TRAPPC9: variants seen among roughly 807,000 people sequenced by gnomAD.
TRAPPC9 encodes IKK2 binding protein.
In TRAPPC9, 83 loss-of-function variants were observed where a neutral mutation model predicts 124.0. That is an observed-to-expected ratio of 0.67 (90% CI 0.56 to 0.80). The LOEUF (loss-of-function observed/expected upper bound fraction) is 0.80. Among genes scored for constraint, TRAPPC9 ranks in the 30% least tolerant of loss-of-function variants. The probability of loss-of-function intolerance (pLI) is 0.00; values close to 1 mark genes in which losing one functional copy is unlikely to be tolerated. For synonymous variants in TRAPPC9, 638 were observed against 617.5 expected (o/e 1.03, Z -0.49); for missense variants, 1,302 against 1,508.3 (o/e 0.86, Z 2.27).
At chr8:139,937,800 A>G (rs1328219801) in intron 19 of TRAPPC9, among the ~76,000 whole-genome samples, 2 of 152,178 alleles carry the variant, frequency 1.3e-5, no homozygotes, top group African/African-American at 4.8e-5. Flanking sequence ...ATCGCGTTAA[A>G]CATGGGTAAT....
At chr8:140,351,832 G>C (rs1297932310) in intron 9 of TRAPPC9, among the ~76,000 whole-genome samples, 3 of 152,176 alleles carry the variant, frequency 2.0e-5, no homozygotes, top group African/African-American at 7.2e-5. Context: ...CAATGAGACA[G>C]AGAGGTCTGC....
intron 19 of TRAPPC9, among the ~76,000 whole-genome samples, chr8:139,966,325 A>G (rs1469361824): frequency 6.6e-6 from 1 of 152,136 alleles, no homozygotes; most frequent in Non-Finnish European, 1.5e-5. Flanking sequence ...TGGGCCCACA[A>G]GCTCCTCTCT....
intron 19 of TRAPPC9, among the ~76,000 whole-genome samples, chr8:139,916,823 C>T (rs995507863): frequency 5.3e-5 from 8 of 152,198 alleles, no homozygotes; most frequent in Non-Finnish European, 1.2e-4. Context: ...ATCAAGGAGT[C>T]GGATCTCAGG....
chr8:140,021,385 T>C (rs368634498), intron 18 of TRAPPC9, among the ~76,000 whole-genome samples: 3 of 152,380 alleles, frequency 2.0e-5, no homozygotes, highest in African/African-American at 7.2e-5. Context: ...ACCCATTCTT[T>C]GTGCCACTTT....
chr8:140,198,658 G>A (rs776872004), intron 17 of TRAPPC9, among the ~76,000 whole-genome samples: 1 of 152,154 alleles, frequency 6.6e-6, no homozygotes, highest in African/African-American at 2.4e-5. Context: ...TTGGCTCTGC[G>A]TGAATTACTC....
intron 21 of TRAPPC9, among the ~76,000 whole-genome samples, chr8:139,797,529 G>A (rs919276361): frequency 4.0e-5 from 6 of 151,896 alleles, no homozygotes; most frequent in Admixed American, 3.9e-4. Flanking sequence ...CACAGTGCTG[G>A]GATTACAGCC....
At chr8:140,271,979 ATGGTGG>A (rs1230597490) in intron 15 of TRAPPC9, among the ~76,000 whole-genome samples, 10 of 144,492 alleles carry the variant, frequency 6.9e-5, no homozygotes, top group East Asian at 2.0e-4. Context: ...GATGGCAGTA[ATGGTGG>A]TGGTGGTGGT....
At chr8:139,848,848 C>G (rs1827269644) in intron 21 of TRAPPC9, among the ~76,000 whole-genome samples, 1 of 152,218 alleles carries the variant, frequency 6.6e-6, no homozygotes, top group Non-Finnish European at 1.5e-5. Flanking sequence ...GCTTCACATA[C>G]TGAAGCCCCT....
chr8:139,867,067 C>G (rs1828594377), intron 21 of TRAPPC9, among the ~76,000 whole-genome samples: 1 of 152,206 alleles, frequency 6.6e-6, no homozygotes, highest in Admixed American at 6.5e-5. Context: ...ACTCTAACCT[C>G]AAGTGATCCG....
At chr8:139,980,859 C>T (rs1161078733) in intron 19 of TRAPPC9, among the ~76,000 whole-genome samples, 2 of 152,244 alleles carry the variant, frequency 1.3e-5, no homozygotes, top group South Asian at 2.1e-4. Context: ...AGGAAAGGCT[C>T]CAGACATTTC....
At chr8:140,133,431 T>C (rs2130722503) in intron 17 of TRAPPC9, among the ~76,000 whole-genome samples, 1 of 152,244 alleles carries the variant, frequency 6.6e-6, no homozygotes, top group South Asian at 2.1e-4. Flanking sequence ...ATAAAGGGTA[T>C]CTATGAAAAA....
At chr8:140,278,653 T>C (rs1322575862) in intron 14 of TRAPPC9, among the ~76,000 whole-genome samples, 2 of 152,174 alleles carry the variant, frequency 1.3e-5, no homozygotes, top group Non-Finnish European at 2.9e-5. Flanking sequence ...TGCCTGGCCA[T>C]GGAGAGGGCC....
chr8:140,108,633 G>A (rs994534303), intron 17 of TRAPPC9, among the ~76,000 whole-genome samples: 2 of 152,216 alleles, frequency 1.3e-5, no homozygotes, highest in Non-Finnish European at 2.9e-5. Flanking sequence ...AAGGGTGGTT[G>A]TCAGACTCCC....
chr8:139,935,491 C>T (rs1271603574), intron 19 of TRAPPC9, among the ~76,000 whole-genome samples: 1 of 152,140 alleles, frequency 6.6e-6, no homozygotes, highest in Admixed American at 6.5e-5. Flanking sequence ...CAGGCAAGTC[C>T]ATGACCAGTG....
At chr8:139,851,109 G>C (rs1210945339) in intron 21 of TRAPPC9, among the ~76,000 whole-genome samples, 1 of 152,188 alleles carries the variant, frequency 6.6e-6, no homozygotes, top group African/African-American at 2.4e-5. Context: ...CACTGTTACT[G>C]TCAGAGCCTA....
chr8:139,755,870 C>T (rs1819720814), intron 21 of TRAPPC9, among the ~76,000 whole-genome samples: 1 of 138,914 alleles, frequency 7.2e-6, no homozygotes, highest in African/African-American at 2.9e-5. Context: ...CAGCAGGTCG[C>T]AGGAAGAGCC....
At chr8:140,013,431 G>C (rs1477786636) in intron 18 of TRAPPC9, among the ~76,000 whole-genome samples, 2 of 152,212 alleles carry the variant, frequency 1.3e-5, no homozygotes, top group Non-Finnish European at 2.9e-5. Context: ...AAATCTAGTT[G>C]TTCTGTCTCC....
chr8:140,043,612 C>T (rs1341748560), intron 17 of TRAPPC9, among the ~76,000 whole-genome samples: 1 of 152,238 alleles, frequency 6.6e-6, no homozygotes, highest in Non-Finnish European at 1.5e-5. Context: ...AGCAGCTCTG[C>T]CCTCCAGCCT....
chr8:140,189,275 G>A (rs956002256), intron 17 of TRAPPC9, among the ~76,000 whole-genome samples: 9 of 152,182 alleles, frequency 5.9e-5, no homozygotes, highest in Admixed American at 4.6e-4. Flanking sequence ...TGCCAGGTTC[G>A]TTTCCGCATG....
Sources: gnomAD v4.1 joint callset for allele counts (sites outside exome capture counted in the v4.1 genomes callset) on GRCh38, gnomAD v4.1.1 for gene constraint, MANE v1.5 for transcripts, NCBI Gene and HGNC (gene_info 2026-07-23, HGNC 2026-07-21) for gene names.